The following LDHC variants were observed in gnomAD, a reference collection of about 807,000 sequenced individuals.
LDHC encodes the protein lactate dehydrogenase C, also known as L-lactate dehydrogenase C chain.
A neutral mutation model predicts 30.2 loss-of-function variants in LDHC; 20 were observed. The ratio of observed to expected loss-of-function variants is 0.66; its 90% CI spans 0.47 to 0.96. The LOEUF (loss-of-function observed/expected upper bound fraction) is 0.96, where lower values mean the gene tolerates loss of function less well. Ranked by LOEUF, LDHC falls within the 40% of genes least tolerant of loss-of-function variation. LDHC has a pLI of 0.00. For synonymous variants in LDHC, 139 were observed against 132.7 expected (o/e 1.05, Z -0.32); for missense variants, 362 against 394.9 (o/e 0.92, Z 0.71).
intron 7 of LDHC, among the ~76,000 whole-genome samples, chr11:18,448,048 CAAAAA>C (rs1218910663): frequency 6.5e-5 from 5 of 76,480 alleles, no homozygotes; most frequent in Admixed American, 1.5e-4. Flanking sequence ...GACTCTGTCT[CAAAAA>C]AAAAAAAAAA....
intron 2 of LDHC, among the ~76,000 whole-genome samples, chr11:18,413,512 G>GA (rs1040883006): frequency 2.0e-5 from 3 of 146,482 alleles, no homozygotes; most frequent in African/African-American, 7.6e-5. Context: ...TGCCAGGCTG[G>GA]AGTGCAGCGG....
intron 3 of LDHC, among the ~76,000 whole-genome samples, chr11:18,424,272 C>T (rs1309275111): frequency 1.3e-5 from 2 of 152,066 alleles, no homozygotes; most frequent in African/African-American, 4.8e-5. Flanking sequence ...ATCCCAGCTA[C>T]TCAGGAGTCT....
Position 18,436,482 on chromosome 11 carries a change from T to TG in LDHC, c.592+1569_592+1570insG, listed in dbSNP as rs1848355606. On this transcript the variant is annotated intron_variant, in intron 5 of 7. Coordinates refer to ENST00000541669, the MANE Select transcript of LDHC (RefSeq NM_017448.5). The stretch of plus-strand genomic sequence containing the variant: ...TACTCTCCTTTGGGATAATACAAAG[T>TG]TTTTTTTTTTTTTTTTTTTTTGAGA... Among the ~76,000 whole-genome samples the TG allele has an allele frequency of 6.8e-4, 3 of 4,382 alleles. No individual in the cohort carries two copies. The Admixed American group carries it at 0.012, about 17-fold the overall frequency. The allele number at this position is 4,382 out of a possible 152,430, so 2.9% of individuals were successfully genotyped here.
chr11:18,444,604 GTATATATATATATATATATA>G (rs60764598), intron 6 of LDHC, among the ~76,000 whole-genome samples: 7,651 of 89,374 alleles, frequency 0.086, 478 homozygotes, highest in Middle Eastern at 0.18. Flanking sequence ...TGTTCAGGTG[GTATATATATATATATATATA>G]TATATATATA....
rs1372934009 is a variant in LDHC, at chr11:18,428,194, CAG to C, written c.245-1540_245-1539del. 8.4e-5 allele frequency among the ~76,000 whole-genome samples: 7 copies of C among 83,824 alleles called. 1 individual carries two copies. The highest frequency in any genetic ancestry group is 3.4e-4 in the African/African-American group (7 of 20,332). The allele number at this position is 83,824 out of a possible 152,430, so 55.0% of individuals were successfully genotyped here. Reference sequence around the variant, plus strand: ...TTTTTTTTTTTTTTTTTTTTTGAGACAGAGTCTCACTCTGTCACACAGGCTGG... The same window carrying C: ...TTTTTTTTTTTTTTTTTTTTTGAGACAGTCTCACTCTGTCACACAGGCTGG... On this transcript the variant is annotated intron_variant, in intron 3 of 7. Transcript: ENST00000541669.
intron 6 of LDHC, among the ~76,000 whole-genome samples, chr11:18,443,671 G>A (rs1282140553): frequency 6.6e-6 from 1 of 152,046 alleles, no homozygotes; most frequent in African/African-American, 2.4e-5. Context: ...TGTTGCCCAG[G>A]CTGGTCTCAA....
intron 3 of LDHC, among the ~76,000 whole-genome samples, 188 bp from the exon 4 acceptor site, chr11:18,429,549 A>C (rs3740713): frequency 0.092 from 14,006 of 152,252 alleles, 856 homozygotes; most frequent in Middle Eastern, 0.15. Flanking sequence ...AAATTTGGCA[A>C]GTCATAGTGA....
At chr11:18,429,714 A>G in intron 3 of LDHC, 23 bp from the exon 4 acceptor site, 2 of 1,464,806 alleles carry the variant, frequency 1.4e-6, no homozygotes, top group East Asian at 2.3e-5. Context: ...TGATCCAAAT[A>G]TAGTATTTTG....
At chr11:18,426,187 T>C (rs1848159582) in intron 3 of LDHC, among the ~76,000 whole-genome samples, 1 of 151,910 alleles carries the variant, frequency 6.6e-6, no homozygotes. Flanking sequence ...TTTTAAATTA[T>C]CTCATATGTA....
At chr11:18,435,363 A>C (rs1848338221) in intron 5 of LDHC, among the ~76,000 whole-genome samples, 2 of 152,030 alleles carry the variant, frequency 1.3e-5, no homozygotes, top group Admixed American at 1.3e-4. Context: ...TGTTTTCACA[A>C]TAGTGAGTTC....
At chr11:18,444,283 A>G (rs1848513234) in intron 6 of LDHC, among the ~76,000 whole-genome samples, 1 of 151,986 alleles carries the variant, frequency 6.6e-6, no homozygotes, top group Admixed American at 6.6e-5. Flanking sequence ...TCTGTTTCTC[A>G]ATCTATTTTA....
chr11:18,446,341 T>G lies in LDHC; in HGVS notation c.834+8T>G, dbSNP rs1323531051. On this transcript the variant is annotated splice_region_variant and intron_variant, in intron 7 of 7. Transcript: ENST00000541669. ...GTTTCCACCATGGTTAAGGTAGGCT[T>G]AAATTAAATCTTCATTTATCATTCT... The G allele has an allele frequency of 6.3e-7, 1 of 1,591,120 alleles. No homozygotes were observed. The highest frequency in any genetic ancestry group is 2.2e-5 in the East Asian group (1 of 44,704).
chr11:18,420,241 C>T (rs1867095554), intron 3 of LDHC, among the ~76,000 whole-genome samples: 1 of 152,030 alleles, frequency 6.6e-6, no homozygotes. Flanking sequence ...ATAGAATAAT[C>T]ACATTTGAAG....
intron 7 of LDHC, among the ~76,000 whole-genome samples, chr11:18,448,048 C>CAAAAAA (rs1218910663): frequency 1.3e-5 from 1 of 76,494 alleles, no homozygotes; most frequent in South Asian, 5.1e-4. Context: ...GACTCTGTCT[C>CAAAAAA]AAAAAAAAAA....
At chr11:18,432,452 A>G (rs148610533) in intron 4 of LDHC, among the ~76,000 whole-genome samples, 3 of 152,266 alleles carry the variant, frequency 2.0e-5, no homozygotes, top group Admixed American at 1.3e-4. Flanking sequence ...GTTAGATGAA[A>G]TGTTGTGTAT....
rs2230150 is a variant in LDHC, at chr11:18,450,981, G to C, written c.853G>C (p.Glu285Gln). The change falls in exon 8 of 8, where the codon GAA becomes CAA. Residue 285 changes from glutamate to glutamine, a missense_variant. Transcript: ENST00000541669. ...CTTTCAGGGATTATATGGAATAAAA[G>C]AAGAACTCTTTCTCAGTATCCCTTG... The part of the protein sequence containing the change: ...TMVKGLYGIK[E>Q]ELFLSIPCVL... The C allele has an allele frequency of 2.6e-3, 4,137 of 1,588,754 alleles. 100 individuals carry two copies. In the African/African-American group the frequency reaches 0.048, roughly 18 times the overall value.
intron 3 of LDHC, among the ~76,000 whole-genome samples, chr11:18,421,088 A>G (rs2134050067): frequency 6.6e-6 from 1 of 152,076 alleles, no homozygotes; most frequent in South Asian, 2.1e-4. Flanking sequence ...AAAGTCTCAC[A>G]CTGTCACCCA....
chr11:18,450,984 G>A lies in LDHC; in HGVS notation c.856G>A (p.Glu286Lys). 1 of 1,588,882 alleles carries A rather than the reference G, an allele frequency of 6.3e-7. No individual in the cohort carries two copies. Among genetic ancestry groups the A allele is most frequent in the Non-Finnish European group, 8.5e-7 (1 of 1,171,978 alleles). ...TCAGGGATTATATGGAATAAAAGAA[G>A]AACTCTTTCTCAGTATCCCTTGTGT... ...MVKGLYGIKE[E>K]LFLSIPCVLG... Residue 286 changes from glutamate to lysine, a missense_variant, in exon 8 of 8, where the codon GAA becomes AAA. Physicochemically the swap from Glu to Lys is moderately conservative, Grantham distance 56. Transcript: ENST00000541669.
At chr11:18,423,790 A>T (rs112398038) in intron 3 of LDHC, among the ~76,000 whole-genome samples, 1,817 of 152,338 alleles carry the variant, frequency 0.012, 43 homozygotes, top group African/African-American at 0.041. Context: ...TGCAGTGTTA[A>T]CATCTAACAA....
Sources: allele counts gnomAD v4.1 joint callset (sites outside exome capture counted in the v4.1 genomes callset), GRCh38; gene constraint gnomAD v4.1.1; transcripts MANE v1.5; gene names NCBI Gene and HGNC (gene_info 2026-07-23, HGNC 2026-07-21).